The following EIF1AD variants were observed in gnomAD, a reference collection of about 807,000 sequenced individuals.
The protein encoded by EIF1AD is probable RNA-binding protein EIF1AD.
In EIF1AD, 9 loss-of-function variants were observed where a neutral mutation model predicts 21.7. The observed-to-expected ratio is 0.41, with a 90% CI of 0.25 to 0.72. The LOEUF is 0.72. EIF1AD is among the 30% of genes least tolerant of loss of function. EIF1AD has a pLI of 0.29. For missense variants in EIF1AD, 164 were observed against 199.7 expected (o/e 0.82, Z 1.08); for synonymous variants, 78 against 70.9 (o/e 1.10, Z -0.50).
At chr11:65,999,300 G>A (rs780803779) in intron 5 of EIF1AD, 50 bp downstream of exon 5, 2 of 1,613,072 alleles carry the variant, frequency 1.2e-6, no homozygotes, top group East Asian at 2.2e-5. Context: ...AGGCACCAAA[G>A]CATGAACCCC....
rs749540695 is a variant in EIF1AD at position 66,000,135 on chromosome 11, C to T, written c.114G>A (p.Leu38=). 1 of 1,614,032 alleles carries T rather than the reference C, an allele frequency of 6.2e-7. No homozygotes were observed. The highest frequency in any genetic ancestry group is 8.5e-7 in the Non-Finnish European group (1 of 1,180,004). ...GCCCTTGGGCTGTCTCCACCTCATGCAGATTGTTCCCTGGGGTCCTGAGTA... is the reference window on the plus strand; with the variant it reads ...GCCCTTGGGCTGTCTCCACCTCATGTAGATTGTTCCCTGGGGTCCTGAGTA... ...VRVLRTPGNN[L]HEVETAQGQR... is the part of the protein sequence containing the mutation. Residue 38 remains leucine (L), a synonymous_variant, in exon 3 of 6, where the codon CTG becomes CTA. Coordinates refer to ENST00000533544, the MANE Select transcript of EIF1AD (RefSeq NM_001242481.2).
In EIF1AD at chr11:65,996,759, C is replaced by G. The variant is rs1855738452; in HGVS notation, c.*1840G>C. ...CAGAAATGGGAGATTCTACAGCACG[C>G]TCGACACTAACACATCACATCCATA... On this transcript the variant is annotated 3_prime_UTR_variant, in exon 6 of 6. Coordinates refer to ENST00000533544, the MANE Select transcript of EIF1AD (RefSeq NM_001242481.2). 1 of 152,138 alleles carries G rather than the reference C, an allele frequency of 6.6e-6. No homozygotes were observed. The highest frequency in any genetic ancestry group is 1.5e-5 in the Non-Finnish European group (1 of 68,032). The allele number at this position is 152,138 out of a possible 1,614,324, so 9.4% of individuals were successfully genotyped here.
At position 66,002,123 on chromosome 11, in the gene EIF1AD, G is replaced by C. The variant is rs2134967391; in HGVS notation, c.-330C>G. 6.6e-6 allele frequency: 1 copy of C among 152,324 alleles called. No individual in the cohort carries two copies. The highest frequency in any genetic ancestry group is 2.1e-4 in the South Asian group (1 of 4,830). 9.4% of individuals were successfully genotyped at this position (152,324 alleles called of 1,614,324 possible). The stretch of plus-strand genomic sequence containing the variant: ...CCAGTCCAACTGCGAGGAGTGCGAC[G>C]TGAGTCTGAGTCTGATCCCTCCGAA... On this transcript the variant is annotated 5_prime_UTR_variant, in exon 1 of 6. Transcript: ENST00000533544.
At position 66,000,312 on chromosome 11, in the gene EIF1AD, C is replaced by T; in HGVS notation, c.78G>A (p.Gln26=). The change falls in exon 2 of 6, where the codon CAG becomes CAA. Residue 26 remains glutamine (Q), a synonymous_variant. Coordinates refer to ENST00000533544, the MANE Select transcript of EIF1AD (RefSeq NM_001242481.2). ...GEHIVPSDQQ[Q]IVRVLRTPGN... is the part of the protein sequence containing the mutation. ...GCCCCACGCCACTCACCCTGACAAT[C>T]TGCTGCTGGTCGGAGGGCACTATGT... 1.2e-6 allele frequency: 2 copies of T among 1,613,588 alleles called. No individual in the cohort carries two copies. The highest frequency in any genetic ancestry group is 1.7e-6 in the Non-Finnish European group (2 of 1,179,742).
Position 65,998,367 on chromosome 11 carries a change from A to T in EIF1AD, c.*232T>A. ...CCCACAAGGTCTCTAATAAATAGGGAGCAGTTTTTCACTTCATCACAATCT... is the reference window on the plus strand; with the variant it reads ...CCCACAAGGTCTCTAATAAATAGGGTGCAGTTTTTCACTTCATCACAATCT... On this transcript the variant is annotated 3_prime_UTR_variant, in exon 6 of 6. Coordinates refer to ENST00000533544, the MANE Select transcript of EIF1AD (RefSeq NM_001242481.2). The T allele has an allele frequency of 3.2e-6, 1 of 315,774 alleles. No homozygotes were observed. Among genetic ancestry groups the T allele is most frequent in the Non-Finnish European group, 5.8e-6 (1 of 172,254 alleles). The allele number at this position is 315,774 out of a possible 1,614,324, so 19.6% of individuals were successfully genotyped here. A position where few individuals can be genotyped will look rare whatever the true frequency, so the allele number is the denominator to read the frequency against.
At position 65,998,042 on chromosome 11, in the gene EIF1AD, G is replaced by C. The variant is rs1277051805; in HGVS notation, c.*557C>G. 1 of 152,778 alleles carries C rather than the reference G, an allele frequency of 6.5e-6. No individual in the cohort carries two copies. The highest frequency in any genetic ancestry group is 2.4e-5 in the African/African-American group (1 of 41,428). 9.5% of individuals were successfully genotyped at this position (152,778 alleles called of 1,614,324 possible). On this transcript the variant is annotated 3_prime_UTR_variant, in exon 6 of 6. Coordinates refer to ENST00000533544, the MANE Select transcript of EIF1AD (RefSeq NM_001242481.2). Reference sequence around the variant, plus strand: ...GTATGTGGGGATGGACACAGTAGCTGGAGGTGAGCACTCCCGTACACAGGG... The same window carrying C: ...GTATGTGGGGATGGACACAGTAGCTCGAGGTGAGCACTCCCGTACACAGGG...
In EIF1AD at chr11:66,000,033, T is replaced by C; in HGVS notation, c.196+20A>G. The C allele has an allele frequency of 6.3e-7, 1 of 1,586,644 alleles. No homozygotes were observed. Among genetic ancestry groups the C allele is most frequent in the Non-Finnish European group, 8.7e-7 (1 of 1,155,360 alleles). On this transcript the variant is annotated intron_variant, in intron 3 of 5. Transcript: ENST00000533544. ...TCTCAGCCTCTCAAAGTGCCAGGAT[T>C]ACAGGAGTAATCCTCTCACCTCTCT...
intron 2 of EIF1AD, 67 bp downstream of exon 2, chr11:66,000,236 C>T (rs929777409): frequency 5.8e-5 from 93 of 1,609,528 alleles, no homozygotes; most frequent in Non-Finnish European, 7.6e-5. Context: ...CACCCTACCC[C>T]CACCCCAGGG....
Position 66,000,415 on chromosome 11 carries a change from G to A in EIF1AD, c.-26C>T, listed in dbSNP as rs145735389. On this transcript the variant is annotated 5_prime_UTR_variant, in exon 2 of 6. Coordinates refer to ENST00000533544, the MANE Select transcript of EIF1AD (RefSeq NM_001242481.2). The stretch of plus-strand genomic sequence containing the variant: ...GCTGAAGTCGTCCCACACTGGTTAG[G>A]AACGAAGAGACTGTCAACTCCTCCT... 5.6e-5 allele frequency: 89 copies of A among 1,579,224 alleles called. No individual in the cohort carries two copies. In the African/African-American group the frequency reaches 1.2e-3, roughly 21 times the overall value.
chr11:65,999,903 C>T, intron 3 of EIF1AD, 150 bp downstream of exon 3: 2 of 673,474 alleles, frequency 3.0e-6, no homozygotes, highest in Non-Finnish European at 2.5e-6. Context: ...AGGCCTCAGC[C>T]TCCTGAGTAG....
chr11:66,000,222 G>A (rs1022879038), intron 2 of EIF1AD, 61 bp from the exon 3 acceptor site: 3 of 1,605,590 alleles, frequency 1.9e-6, no homozygotes, highest in South Asian at 1.1e-5. Context: ...TCTCAGACAC[G>A]CTGCACCCTA....
At chr11:65,999,784 T>C in intron 3 of EIF1AD, 109 bp from the exon 4 acceptor site, 2 of 764,674 alleles carry the variant, frequency 2.6e-6, no homozygotes, top group South Asian at 1.7e-5. Flanking sequence ...CTCACCTCTC[T>C]CTTTTTTCTT....
intron 3 of EIF1AD, 55 bp downstream of exon 3, chr11:65,999,998 G>A (rs1855879921): frequency 2.1e-6 from 3 of 1,412,608 alleles, no homozygotes; most frequent in Admixed American, 1.7e-5. Context: ...GGTCTCAAGC[G>A]ATCCTCCCAT....
Position 65,999,351 on chromosome 11 carries a change from T to G in EIF1AD, c.352A>C (p.Arg118=). The change falls in exon 5 of 6, where the codon AGA becomes CGA. Residue 118 remains arginine (R), a splice_region_variant and synonymous_variant. Coordinates refer to ENST00000533544, the MANE Select transcript of EIF1AD (RefSeq NM_001242481.2). ...CCCACCCCAAGGCTTGTTCCTCACC[T>G]GTTCCTGTTGTTGTGTTTCTCAGCC... is the stretch of plus-strand genomic sequence containing the variant. The part of the protein sequence containing the change: ...EVAEKHNNRN[R]QTQPELPAEP... 6.2e-7 allele frequency: 1 copy of G among 1,614,252 alleles called. No homozygotes were observed. The highest frequency in any genetic ancestry group is 8.5e-7 in the Non-Finnish European group (1 of 1,180,046).
chr11:66,000,663 A>C, intron 1 of EIF1AD, 158 bp from the exon 2 acceptor site: 1 of 365,666 alleles, frequency 2.7e-6, no homozygotes, highest in Non-Finnish European at 5.1e-6. Context: ...GTATGAGGCC[A>C]CCACTTCTCC....
intron 3 of EIF1AD, 25 bp downstream of exon 3, chr11:66,000,028 A>G (rs72930956): frequency 0.031 from 47,945 of 1,565,308 alleles, 1,291 homozygotes; most frequent in East Asian, 0.15. Context: ...TCAAAGTGCC[A>G]GGATTACAGG....
chr11:66,000,129 C>G lies in EIF1AD; in HGVS notation c.120G>C (p.Glu40Asp), dbSNP rs1376611069. The change falls in exon 3 of 6, where the codon GAG becomes GAC. Residue 40 changes from glutamate (E) to aspartate (D), a missense_variant. Glu to Asp is a conservative substitution (Grantham distance 45). Coordinates refer to ENST00000533544, the MANE Select transcript of EIF1AD (RefSeq NM_001242481.2). ...AGCGCTGCCCTTGGGCTGTCTCCAC[C>G]TCATGCAGATTGTTCCCTGGGGTCC... ...VLRTPGNNLH[E>D]VETAQGQRFL... 6.2e-7 allele frequency: 1 copy of G among 1,614,178 alleles called. No homozygotes were observed. The highest frequency in any genetic ancestry group is 1.1e-5 in the South Asian group (1 of 91,090).
chr11:65,998,778 G>A (rs368450546), intron 5 of EIF1AD, 35 bp from the exon 6 acceptor site: 148 of 1,600,316 alleles, frequency 9.2e-5, no homozygotes, highest in Non-Finnish European at 1.2e-4. Flanking sequence ...TTAGCCCAGC[G>A]CCTTCTGGGA....
intron 1 of EIF1AD, among the ~76,000 whole-genome samples, chr11:66,001,256 G>C (rs531820241): frequency 6.6e-6 from 1 of 151,994 alleles, no homozygotes; most frequent in African/African-American, 2.4e-5. Context: ...GGCGGATCAC[G>C]ATGTCAGGAG....
Sources: allele counts gnomAD v4.1 joint callset (sites outside exome capture counted in the v4.1 genomes callset), GRCh38; gene constraint gnomAD v4.1.1; transcripts MANE v1.5; gene names NCBI Gene and HGNC (gene_info 2026-07-23, HGNC 2026-07-21).